CPQ: variants seen among roughly 807,000 people sequenced by gnomAD.
The protein encoded by CPQ is carboxypeptidase Q, also known as Ser-Met dipeptidase.
CPQ carries 37 observed loss-of-function variants against 45.7 expected under a neutral mutation model. The ratio of observed to expected loss-of-function variants is 0.81; its 90% CI spans 0.62 to 1.07. The LOEUF (loss-of-function observed/expected upper bound fraction) is 1.07. CPQ is among the 50% of genes least tolerant of loss of function. The pLI, the probability that CPQ is intolerant of heterozygous loss-of-function variation, is 0.00. For synonymous variants in CPQ, 186 were observed against 205.8 expected (o/e 0.90, Z 0.82); for missense variants, 537 against 572.9 (o/e 0.94, Z 0.64).
At chr8:96,736,528 A>G (rs1383108143) in intron 1 of CPQ, among the ~76,000 whole-genome samples, 1 of 152,166 alleles carries the variant, frequency 6.6e-6, no homozygotes, top group Non-Finnish European at 1.5e-5. Context: ...CCTGCTGGAG[A>G]GCCCTTTGGT....
intron 5 of CPQ, among the ~76,000 whole-genome samples, chr8:97,017,265 C>T (rs1269697122): frequency 6.6e-6 from 1 of 152,170 alleles, no homozygotes; most frequent in Non-Finnish European, 1.5e-5. Context: ...TGTGGGCTCG[C>T]TGGCTCCCCT....
chr8:96,840,704 A>G (rs1811594080), intron 3 of CPQ, among the ~76,000 whole-genome samples: 1 of 152,208 alleles, frequency 6.6e-6, no homozygotes, highest in Non-Finnish European at 1.5e-5. Context: ...AGATGATGGC[A>G]ATTGGAATGG....
intron 1 of CPQ, among the ~76,000 whole-genome samples, chr8:96,781,131 A>C (rs1283123293): frequency 6.6e-6 from 1 of 152,158 alleles, no homozygotes; most frequent in African/African-American, 2.4e-5. Flanking sequence ...GCTTTCGCAA[A>C]ATAATAATAA....
At chr8:97,084,115 G>T (rs543118221) in intron 7 of CPQ, among the ~76,000 whole-genome samples, 6 of 152,016 alleles carry the variant, frequency 3.9e-5, no homozygotes, top group Admixed American at 3.9e-4. Context: ...GCACAAAACT[G>T]CCTATATCAA....
chr8:96,824,193 A>G (rs893569712), intron 2 of CPQ, among the ~76,000 whole-genome samples: 1 of 152,046 alleles, frequency 6.6e-6, no homozygotes, highest in Non-Finnish European at 1.5e-5. Flanking sequence ...TCTGTTAGAA[A>G]TAGATCTCCA....
At chr8:97,019,960 T>C (rs993472742) in intron 5 of CPQ, among the ~76,000 whole-genome samples, 3 of 152,140 alleles carry the variant, frequency 2.0e-5, no homozygotes, top group African/African-American at 7.2e-5. Context: ...TTCTCCAAGA[T>C]AGACCATATG....
At chr8:97,117,339 G>A (rs1811612119) in intron 7 of CPQ, among the ~76,000 whole-genome samples, 1 of 152,082 alleles carries the variant, frequency 6.6e-6, no homozygotes, top group African/African-American at 2.4e-5. Flanking sequence ...TTATTCAGCA[G>A]TTAGAGTGAC....
At chr8:96,925,846 C>T (rs140614811) in intron 4 of CPQ, among the ~76,000 whole-genome samples, 50 of 151,810 alleles carry the variant, frequency 3.3e-4, no homozygotes, top group Non-Finnish European at 6.2e-4. Context: ...TGCACCACAA[C>T]GCCCAGCTAA....
chr8:96,647,893 T>A (rs575641960), intron 1 of CPQ, among the ~76,000 whole-genome samples: 3 of 152,314 alleles, frequency 2.0e-5, no homozygotes, highest in African/African-American at 7.2e-5. Context: ...TGAATGGCAC[T>A]TAAGGGCTTT....
chr8:96,982,248 A>G (rs1299319345), intron 5 of CPQ, among the ~76,000 whole-genome samples: 1 of 152,236 alleles, frequency 6.6e-6, no homozygotes, highest in Non-Finnish European at 1.5e-5. Context: ...TCACAAATAT[A>G]TAACATTTCC....
intron 1 of CPQ, among the ~76,000 whole-genome samples, chr8:96,781,728 A>G (rs1810687944): frequency 6.6e-6 from 1 of 152,200 alleles, no homozygotes; most frequent in African/African-American, 2.4e-5. Context: ...GTGAGACATA[A>G]CACAATTCAT....
chr8:97,103,660 A>G (rs1006582662), intron 7 of CPQ, among the ~76,000 whole-genome samples: 3 of 152,196 alleles, frequency 2.0e-5, no homozygotes, highest in Admixed American at 2.0e-4. Context: ...GATTTGAGGT[A>G]GGACTTTATC....
chr8:97,038,589 T>C (rs1019421648), intron 6 of CPQ, among the ~76,000 whole-genome samples: 2 of 152,136 alleles, frequency 1.3e-5, no homozygotes, highest in African/African-American at 4.8e-5. Context: ...CTTACTAAGT[T>C]ACAGAGTCAG....
chr8:97,105,674 C>T (rs372829110), intron 7 of CPQ, among the ~76,000 whole-genome samples: 32 of 152,110 alleles, frequency 2.1e-4, no homozygotes, highest in African/African-American at 7.5e-4. Context: ...CTTCTTAGTA[C>T]CTTAGTATAT....
intron 2 of CPQ, among the ~76,000 whole-genome samples, chr8:96,804,140 G>A (rs976681956): frequency 8.5e-5 from 13 of 152,286 alleles, no homozygotes; most frequent in South Asian, 4.1e-4. Flanking sequence ...AAGAGCAAAG[G>A]CATGCAGGTG....
chr8:97,138,788 A>C (rs1812105018), intron 7 of CPQ, among the ~76,000 whole-genome samples: 1 of 152,136 alleles, frequency 6.6e-6, no homozygotes, highest in Admixed American at 6.5e-5. Flanking sequence ...GTACTTTATA[A>C]GATATTGATT....
chr8:97,053,566 G>A (rs527689351), intron 6 of CPQ, among the ~76,000 whole-genome samples: 1 of 152,274 alleles, frequency 6.6e-6, no homozygotes, highest in African/African-American at 2.4e-5. Context: ...AGGGGATAGG[G>A]AGGAAGCCAA....
At chr8:96,791,673 A>G (rs1563498113) in intron 2 of CPQ, among the ~76,000 whole-genome samples, 2 of 152,212 alleles carry the variant, frequency 1.3e-5, no homozygotes, top group Admixed American at 6.5e-5. Flanking sequence ...AGGCTGGACC[A>G]GGTGTGGAAA....
rs1563702134 is a variant in CPQ at position 96,685,114 on chromosome 8, C to CAAACAACAAAAAACCAAA, written c.-35+39725_-35+39726insCCAAAAAACAACAAAAAA. Among the ~76,000 whole-genome samples the CAAACAACAAAAAACCAAA allele has an allele frequency of 1.9e-3, 280 of 144,746 alleles. 5 individuals are homozygous for CAAACAACAAAAAACCAAA. The highest frequency in any genetic ancestry group is 0.013 in the Admixed American group (188 of 14,512). The allele number at this position is 144,746 out of a possible 152,430, so 95.0% of individuals were successfully genotyped here. On this transcript the variant is annotated intron_variant, in intron 1 of 7. Coordinates refer to ENST00000220763, the MANE Select transcript of CPQ (RefSeq NM_016134.4). ...AGTGAAACTCCATCTCAAAAACAAA[C>CAAACAACAAAAAACCAAA]AAACAACAAAAAAACAAAAAACAAA...
Sources: allele counts gnomAD v4.1 joint callset (sites outside exome capture counted in the v4.1 genomes callset), GRCh38; gene constraint gnomAD v4.1.1; transcripts MANE v1.5; gene names NCBI Gene and HGNC (gene_info 2026-07-23, HGNC 2026-07-21).